INPP4B: variants seen among roughly 807,000 people sequenced by gnomAD.
The protein encoded by INPP4B is inositol polyphosphate 4-phosphatase type II.
In INPP4B, 55 loss-of-function variants were observed where a neutral mutation model predicts 122.5. The observed-to-expected ratio is 0.45, with a 90% CI of 0.36 to 0.56. The LOEUF (loss-of-function observed/expected upper bound fraction) is 0.56. INPP4B is among the 20% of genes least tolerant of loss of function. The probability of loss-of-function intolerance (pLI) is 0.00; values close to 1 mark genes in which losing one functional copy is unlikely to be tolerated. For missense variants in INPP4B, 1,000 were observed against 1,097.7 expected, an observed-to-expected ratio of 0.91 and a Z score of 1.26; for synonymous variants, 403 against 388.7, an observed-to-expected ratio of 1.04 and a Z score of -0.43.
At chr4:142,558,026 T>G (rs1729599657) in intron 2 of INPP4B, among the ~76,000 whole-genome samples, 2 of 152,228 alleles carry the variant, frequency 1.3e-5, no homozygotes, top group African/African-American at 4.8e-5. Context: ...CCTTTGCAGC[T>G]CTTGACCTGC....
chr4:142,672,451 CATT>C (rs1287248155), intron 2 of INPP4B, among the ~76,000 whole-genome samples: 1 of 152,034 alleles, frequency 6.6e-6, no homozygotes, highest in Non-Finnish European at 1.5e-5. Context: ...TTGTTTCAGA[CATT>C]AGTTGATTTA....
intron 25 of INPP4B, among the ~76,000 whole-genome samples, chr4:142,076,706 C>G (rs969317342): frequency 6.6e-6 from 1 of 151,946 alleles, no homozygotes; most frequent in Non-Finnish European, 1.5e-5. Context: ...CAAACCTGCA[C>G]GTTGTGCACA....
chr4:142,111,459 G>T (rs1016458337), intron 22 of INPP4B, among the ~76,000 whole-genome samples: 2 of 151,764 alleles, frequency 1.3e-5, no homozygotes, highest in African/African-American at 4.8e-5. Flanking sequence ...CGATTCTCCT[G>T]CTTCAGCCTC....
chr4:142,501,479 AC>A (rs1823368581), intron 2 of INPP4B, among the ~76,000 whole-genome samples: 2 of 152,192 alleles, frequency 1.3e-5, no homozygotes, highest in South Asian at 4.1e-4. Context: ...ACTGCCAGAA[AC>A]AAAAACAGTG....
At chr4:142,723,286 A>T (rs766828512) in intron 2 of INPP4B, among the ~76,000 whole-genome samples, 3 of 152,136 alleles carry the variant, frequency 2.0e-5, no homozygotes, top group Non-Finnish European at 4.4e-5. Context: ...ATTCCTGCAT[A>T]ATAAAAATAT....
intron 5 of INPP4B, among the ~76,000 whole-genome samples, chr4:142,416,007 G>A (rs1485726740): frequency 6.6e-6 from 1 of 151,498 alleles, no homozygotes; most frequent in Non-Finnish European, 1.5e-5. Flanking sequence ...CTGTTGTGGG[G>A]TGGGGTGAGG....
intron 2 of INPP4B, among the ~76,000 whole-genome samples, chr4:142,657,194 C>A (rs948843538): frequency 6.6e-6 from 1 of 152,072 alleles, no homozygotes; most frequent in African/African-American, 2.4e-5. Context: ...GCGCTTGGAT[C>A]TAACATTTTT....
At chr4:142,043,904 G>A (rs1749739811) in intron 25 of INPP4B, among the ~76,000 whole-genome samples, 1 of 152,022 alleles carries the variant, frequency 6.6e-6, no homozygotes, top group Non-Finnish European at 1.5e-5. Flanking sequence ...CAGGACTGAG[G>A]GACAAGAGTT....
chr4:142,389,345 T>C (rs1203830233), intron 7 of INPP4B, among the ~76,000 whole-genome samples: 2 of 152,008 alleles, frequency 1.3e-5, no homozygotes, highest in Admixed American at 6.6e-5. Flanking sequence ...ATATGTGTCA[T>C]GTGTATAATG....
intron 2 of INPP4B, among the ~76,000 whole-genome samples, chr4:142,488,682 G>A (rs1436316007): frequency 6.6e-6 from 1 of 152,000 alleles, no homozygotes; most frequent in Non-Finnish European, 1.5e-5. Context: ...GTTGGTCACT[G>A]TTCATAATAC....
At chr4:142,252,028 T>C (rs2150205959) in intron 11 of INPP4B, among the ~76,000 whole-genome samples, 1 of 152,350 alleles carries the variant, frequency 6.6e-6, no homozygotes, top group East Asian at 1.9e-4. Flanking sequence ...AAAGTGGATT[T>C]AAATTCTGGA....
At chr4:142,253,443 C>T (rs1005819956) in intron 11 of INPP4B, among the ~76,000 whole-genome samples, 8 of 152,182 alleles carry the variant, frequency 5.3e-5, no homozygotes, top group South Asian at 2.1e-4. Context: ...TCTGAGGTAC[C>T]GGGTTCATCT....
chr4:142,431,595 A>C (rs1221479070), intron 3 of INPP4B, among the ~76,000 whole-genome samples: 4 of 152,130 alleles, frequency 2.6e-5, no homozygotes, highest in Non-Finnish European at 1.5e-5. Flanking sequence ...AGTCATATGA[A>C]AGATTTCTAA....
intron 9 of INPP4B, among the ~76,000 whole-genome samples, chr4:142,295,026 A>C (rs1758064906): frequency 6.6e-6 from 1 of 151,792 alleles, no homozygotes; most frequent in Non-Finnish European, 1.5e-5. Context: ...TAGAAAGGAG[A>C]AGTTGAAAAT....
chr4:142,497,432 T>A (rs1463803025), intron 2 of INPP4B, among the ~76,000 whole-genome samples: 1 of 152,184 alleles, frequency 6.6e-6, no homozygotes, highest in African/African-American at 2.4e-5. Flanking sequence ...AAGCTACATC[T>A]GTTAATAATG....
chr4:142,437,256 A>T (rs1255115586), intron 3 of INPP4B, among the ~76,000 whole-genome samples: 3 of 152,148 alleles, frequency 2.0e-5, no homozygotes, highest in Non-Finnish European at 2.9e-5. Flanking sequence ...AGAAATATGG[A>T]ACAAAATCTT....
At chr4:142,340,564 T>C (rs908627366) in intron 7 of INPP4B, among the ~76,000 whole-genome samples, 2 of 152,108 alleles carry the variant, frequency 1.3e-5, no homozygotes, top group African/African-American at 4.8e-5. Context: ...TGTGCCACCA[T>C]GCCCAGCTAA....
intron 4 of INPP4B, 144 bp downstream of exon 4, chr4:142,431,025 A>G: frequency 1.6e-6 from 1 of 622,486 alleles, no homozygotes; most frequent in Non-Finnish European, 2.8e-6. Context: ...AATAGTGCAA[A>G]GGAAAAATAC....
At position 142,409,587 on chromosome 4, in the gene INPP4B, C is replaced by T. The variant is rs940489511; in HGVS notation, c.137-4263G>A. ...AAAAAATAATAAACAAATAAAGACT[C>T]AATATGTCCAGGGAGGGCTAGGCAC... On this transcript the variant is annotated intron_variant, in intron 5 of 25. Transcript: ENST00000262992. Among the ~76,000 whole-genome samples the T allele has an allele frequency of 4.2e-4, 64 of 152,214 alleles. No homozygotes were observed. In the East Asian group the frequency reaches 6.0e-3, roughly 14 times the overall value.
Sources: gnomAD v4.1 joint callset for allele counts (sites outside exome capture counted in the v4.1 genomes callset) on GRCh38, gnomAD v4.1.1 for gene constraint, MANE v1.5 for transcripts, NCBI Gene and HGNC (gene_info 2026-07-23, HGNC 2026-07-21) for gene names.